Variants in TMEM45B observed in about 807,000 individuals in gnomAD.
The protein encoded by TMEM45B is transmembrane protein 45B.
Under a neutral mutation model 27.3 loss-of-function variants are expected in TMEM45B, and 29 were observed. The ratio of observed to expected loss-of-function variants is 1.06; its 90% CI spans 0.79 to 1.45. TMEM45B has a LOEUF of 1.45. Among genes scored for constraint, TMEM45B ranks in the 40% most tolerant of loss-of-function variants. The pLI is 0.00. For synonymous variants in TMEM45B, 143 were observed against 134.7 expected (o/e 1.06, Z -0.43); for missense variants, 348 against 343.9 (o/e 1.01, Z -0.09).
intron 1 of TMEM45B, among the ~76,000 whole-genome samples, chr11:129,832,629 AT>A (rs34441586): frequency 0.91 from 138,766 of 151,672 alleles, 63,635 homozygotes; most frequent in East Asian, 1. Flanking sequence ...AATAGTTGTA[AT>A]TTTTTTATAA....
intron 1 of TMEM45B, among the ~76,000 whole-genome samples, chr11:129,837,585 C>CCTTTTTTTTTTTTTTTTTTTTT (rs1947636610): frequency 3.7e-5 from 3 of 80,296 alleles, no homozygotes; most frequent in African/African-American, 1.3e-4. Flanking sequence ...CTGCACTGGG[C>CCTTTTTTTTTTTTTTTTTTTTT]TTTTTTTTTT....
At chr11:129,836,650 G>GAC (rs1159958470) in intron 1 of TMEM45B, among the ~76,000 whole-genome samples, 1 of 152,176 alleles carries the variant, frequency 6.6e-6, no homozygotes, top group East Asian at 1.9e-4. Flanking sequence ...TAAGAACACA[G>GAC]ACACACACAA....
intron 1 of TMEM45B, among the ~76,000 whole-genome samples, chr11:129,848,359 G>C (rs564707911): frequency 5.5e-4 from 84 of 152,306 alleles, no homozygotes; most frequent in African/African-American, 1.9e-3. Flanking sequence ...AAAAAAATAC[G>C]AAAACCCGTC....
intron 1 of TMEM45B, among the ~76,000 whole-genome samples, chr11:129,819,712 C>T (rs564422078): frequency 3.3e-5 from 5 of 151,870 alleles, no homozygotes; most frequent in Non-Finnish European, 5.9e-5. Context: ...TGCACCACCA[C>T]GCCCAGCTAA....
intron 1 of TMEM45B, among the ~76,000 whole-genome samples, chr11:129,823,880 G>A: frequency 6.6e-6 from 1 of 152,142 alleles, no homozygotes. Flanking sequence ...TCCCTTGACT[G>A]TAGTGCCCTT....
Position 129,857,395 on chromosome 11 carries a change from G to GCTT in TMEM45B, c.656_658dup (p.Phe219dup). 3 of 1,614,170 alleles carry GCTT rather than the reference G, an allele frequency of 1.9e-6. No individual in the cohort carries two copies. Among genetic ancestry groups the GCTT allele is most frequent in the Non-Finnish European group, 2.5e-6 (3 of 1,180,034 alleles). On this transcript the variant is annotated inframe_insertion, in exon 5 of 6. Transcript: ENST00000281441. ...GCCAACCTCATGTTCATCACCATGT[G>GCTT]CTTCTGCTGGCACTACCTGGCTGCC...
intron 1 of TMEM45B, among the ~76,000 whole-genome samples, chr11:129,851,501 G>GCC (rs1172091603): frequency 7.7e-6 from 1 of 129,080 alleles, no homozygotes; most frequent in African/African-American, 3.0e-5. Flanking sequence ...CCAAGATCGT[G>GCC]CCACTGCACT....
intron 1 of TMEM45B, among the ~76,000 whole-genome samples, chr11:129,843,433 A>G (rs1947720398): frequency 6.6e-6 from 1 of 152,220 alleles, no homozygotes; most frequent in African/African-American, 2.4e-5. Context: ...AATGTATACA[A>G]TGCCAATTGA....
At chr11:129,838,639 G>T (rs1167746588) in intron 1 of TMEM45B, among the ~76,000 whole-genome samples, 1 of 152,054 alleles carries the variant, frequency 6.6e-6, no homozygotes, top group Non-Finnish European at 1.5e-5. Context: ...TCAAACACGT[G>T]GTTGGAACTG....
chr11:129,857,155 G>T (rs571168081), intron 4 of TMEM45B, among the ~76,000 whole-genome samples, 158 bp from the exon 5 acceptor site: 1 of 152,254 alleles, frequency 6.6e-6, no homozygotes, highest in South Asian at 2.1e-4. Context: ...CCTGGCCAGA[G>T]CCATTTTTCT....
chr11:129,859,271 A>G lies in TMEM45B; in HGVS notation c.*586A>G, dbSNP rs1386083774. 1.3e-5 allele frequency: 2 copies of G among 152,200 alleles called. No homozygotes were observed. The highest frequency in any genetic ancestry group is 1.9e-4 in the East Asian group (1 of 5,202). 9.4% of individuals were successfully genotyped at this position (152,200 alleles called of 1,614,324 possible). ...CCAGGGTACTGCAATACCACTGTTT[A>G]TAAGTGACAAAATTAGGCCAAAGGT... On this transcript the variant is annotated 3_prime_UTR_variant, in exon 6 of 6. Coordinates refer to ENST00000281441, the MANE Select transcript of TMEM45B (RefSeq NM_138788.5).
chr11:129,853,987 C>A (rs2135602194), intron 2 of TMEM45B, among the ~76,000 whole-genome samples: 1 of 152,318 alleles, frequency 6.6e-6, no homozygotes, highest in East Asian at 1.9e-4. Context: ...TCGTCATTTT[C>A]TGGCCCACAT....
rs555811231 is a variant in TMEM45B, at chr11:129,839,999, C to T, written c.-8-12476C>T. On this transcript the variant is annotated intron_variant, in intron 1 of 5. Transcript: ENST00000281441. ...TTTAAATGTTTTTAATGCTAAACCA[C>T]AGCAGGGGCTTAGCCTATATTTGGA... 2.0e-5 allele frequency among the ~76,000 whole-genome samples: 3 copies of T among 152,278 alleles called. No individual in the cohort carries two copies. The South Asian group carries it at 6.2e-4, about 32-fold the overall frequency.
intron 1 of TMEM45B, among the ~76,000 whole-genome samples, chr11:129,834,079 G>A (rs569925045): frequency 1.5e-4 from 23 of 152,218 alleles, no homozygotes; most frequent in Non-Finnish European, 3.1e-4. Flanking sequence ...AGGGCTGGAA[G>A]AGTTTGGAGG....
intron 1 of TMEM45B, among the ~76,000 whole-genome samples, chr11:129,840,385 T>C (rs1947674951): frequency 6.6e-6 from 1 of 152,156 alleles, no homozygotes; most frequent in African/African-American, 2.4e-5. Flanking sequence ...CTGCCTTTAT[T>C]TCAGGTACTG....
Position 129,859,423 on chromosome 11 carries a change from G to C in TMEM45B, c.*738G>C, listed in dbSNP as rs1055760. 6.6e-6 allele frequency: 1 copy of C among 151,940 alleles called. No homozygotes were observed. The highest frequency in any genetic ancestry group is 2.1e-4 in the South Asian group (1 of 4,834). 9.4% of individuals were successfully genotyped at this position (151,940 alleles called of 1,614,324 possible). A position where few individuals can be genotyped will look rare whatever the true frequency, so the allele number is the denominator to read the frequency against. On this transcript the variant is annotated 3_prime_UTR_variant, in exon 6 of 6. Transcript: ENST00000281441. ...AAGCTGTATAATGAGATAGAAAAAC[G>C]TCAGGTATGGAAGGCTTTCAGTTTT... is the stretch of plus-strand genomic sequence containing the variant.
chr11:129,851,543 C>CAAAAAAAAAAAAAAAAAAAAAAAAAA (rs71057982), intron 1 of TMEM45B, among the ~76,000 whole-genome samples: 177 of 54,646 alleles, frequency 3.2e-3, no homozygotes, highest in Middle Eastern at 0.01. Flanking sequence ...AACTCTGCCT[C>CAAAAAAAAAAAAAAAAAAAAAAAAAA]AAAAAAAAAA....
chr11:129,843,440 T>A (rs1157301788), intron 1 of TMEM45B, among the ~76,000 whole-genome samples: 3 of 152,234 alleles, frequency 2.0e-5, no homozygotes, highest in Non-Finnish European at 4.4e-5. Flanking sequence ...ACAATGCCAA[T>A]TGATGTTTGC....
chr11:129,832,837 A>G (rs1341510702), intron 1 of TMEM45B, among the ~76,000 whole-genome samples: 1 of 152,192 alleles, frequency 6.6e-6, no homozygotes, highest in African/African-American at 2.4e-5. Flanking sequence ...AAAAACTGTC[A>G]CAGAAATAAA....
Sources: gnomAD v4.1 joint callset for allele counts (sites outside exome capture counted in the v4.1 genomes callset) on GRCh38, gnomAD v4.1.1 for gene constraint, MANE v1.5 for transcripts, NCBI Gene and HGNC (gene_info 2026-07-23, HGNC 2026-07-21) for gene names.